Variants in TGFBR2 observed in about 807,000 individuals in gnomAD.
TGFBR2 encodes the protein transforming growth factor beta receptor 2.
In TGFBR2, 18 loss-of-function variants were observed where a neutral mutation model predicts 49.0. The ratio of observed to expected loss-of-function variants is 0.37; its 90% confidence interval spans 0.25 to 0.54. The LOEUF is 0.54. Among genes scored for constraint, TGFBR2 ranks in the 20% least tolerant of loss-of-function variants. The pLI is 0.85. For missense variants in TGFBR2, 525 were observed against 722.6 expected (o/e 0.73, Z 3.13); for synonymous variants, 282 against 275.9 (o/e 1.02, Z -0.22).
intron 5 of TGFBR2, among the ~76,000 whole-genome samples, chr3:30,675,393 CT>C (rs5847637): frequency 2.3e-4 from 34 of 145,176 alleles, no homozygotes; most frequent in Middle Eastern, 3.5e-3. Flanking sequence ...TAACTCCACC[CT>C]TTTTTTTTTT....
chr3:30,685,140 A>T (rs1222193005), intron 5 of TGFBR2, among the ~76,000 whole-genome samples: 1 of 152,062 alleles, frequency 6.6e-6, no homozygotes, highest in Non-Finnish European at 1.5e-5. Context: ...GAGTATAGGG[A>T]TTGTTGTTGA....
chr3:30,667,503 C>G (rs1200855247), intron 3 of TGFBR2, among the ~76,000 whole-genome samples: 2 of 152,168 alleles, frequency 1.3e-5, no homozygotes, highest in Non-Finnish European at 2.9e-5. Flanking sequence ...ATTCCTCCCC[C>G]TCAAATTTTT....
intron 2 of TGFBR2, among the ~76,000 whole-genome samples, chr3:30,649,414 G>A (rs975929899): frequency 5.9e-5 from 9 of 152,100 alleles, no homozygotes; most frequent in African/African-American, 9.7e-5. Flanking sequence ...GTACACTGAC[G>A]GCCAATTGAG....
intron 1 of TGFBR2, among the ~76,000 whole-genome samples, chr3:30,609,697 A>G (rs1697995815): frequency 6.6e-6 from 1 of 152,182 alleles, no homozygotes; most frequent in Admixed American, 6.5e-5. Flanking sequence ...GAGGACAAAG[A>G]ATTTGTAAAA....
intron 3 of TGFBR2, among the ~76,000 whole-genome samples, chr3:30,658,604 G>A (rs1045079227): frequency 6.6e-6 from 1 of 152,202 alleles, no homozygotes; most frequent in Admixed American, 6.5e-5. Context: ...TTAGCATTTA[G>A]TGTGGTGATG....
chr3:30,636,155 ATGTGTG>A (rs61296907), intron 1 of TGFBR2, among the ~76,000 whole-genome samples: 28,488 of 134,518 alleles, frequency 0.21, 2,933 homozygotes, highest in Admixed American at 0.29. Context: ...ATATATATGT[ATGTGTG>A]TGTGTGTGTG....
intron 5 of TGFBR2, among the ~76,000 whole-genome samples, chr3:30,683,616 A>G (rs779600070): frequency 2.0e-5 from 3 of 152,360 alleles, no homozygotes; most frequent in South Asian, 2.1e-4. Context: ...TTCTTTATAC[A>G]TATTTGTTTA....
At chr3:30,607,230 CGTT>C (rs1268470808) in intron 1 of TGFBR2, among the ~76,000 whole-genome samples, 1 of 152,208 alleles carries the variant, frequency 6.6e-6, no homozygotes, top group African/African-American at 2.4e-5. Context: ...GCAGGAAAGG[CGTT>C]GTGTTGGCCG....
At chr3:30,628,932 C>T (rs890306537) in intron 1 of TGFBR2, among the ~76,000 whole-genome samples, 3 of 152,118 alleles carry the variant, frequency 2.0e-5, no homozygotes, top group African/African-American at 4.8e-5. Context: ...TCATTTAATA[C>T]GAGACTCATT....
In TGFBR2 at chr3:30,692,386, T is replaced by C. The variant is rs532320111; in HGVS notation, c.*787T>C. On this transcript the variant is annotated 3_prime_UTR_variant, in exon 7 of 7. Coordinates refer to ENST00000295754, the MANE Select transcript of TGFBR2 (RefSeq NM_003242.6). ...GAAACTCTACCCCATCTTTAATACC[T>C]TGAATGTTTTGAACCCCACTTTTTA... is the stretch of plus-strand genomic sequence containing the variant. The C allele has an allele frequency of 4.3e-6, 1 of 230,914 alleles. No individual in the cohort carries two copies. The highest frequency in any genetic ancestry group is 2.2e-5 in the African/African-American group (1 of 45,300). 14.3% of individuals were successfully genotyped at this position (230,914 alleles called of 1,614,324 possible).
chr3:30,686,959 GT>G (rs1699633202), intron 5 of TGFBR2, among the ~76,000 whole-genome samples: 5 of 152,170 alleles, frequency 3.3e-5, no homozygotes, highest in African/African-American at 1.2e-4. Context: ...TTGACAGCCT[GT>G]TGGCATGGGA....
chr3:30,660,078 A>T (rs1301763390), intron 3 of TGFBR2, among the ~76,000 whole-genome samples: 1 of 152,116 alleles, frequency 6.6e-6, no homozygotes, highest in Non-Finnish European at 1.5e-5. Flanking sequence ...ATTACAAATT[A>T]TGCTTTTTTT....
rs531828316 is a variant in TGFBR2 at position 30,667,839 on chromosome 3, GA to G, written c.455-3791del. Among the ~76,000 whole-genome samples, 12 of 151,798 alleles carry G rather than the reference GA, an allele frequency of 7.9e-5. No individual in the cohort carries two copies. The South Asian group carries it at 1.5e-3, about 18-fold the overall frequency. Reference sequence around the variant, plus strand: ...TTTTCAAATTGTATTTCTCATATGTGAAAAAAAATTGACTACATATTCACAT... The same window carrying G: ...TTTTCAAATTGTATTTCTCATATGTGAAAAAAATTGACTACATATTCACAT... On this transcript the variant is annotated intron_variant, in intron 3 of 6. Transcript: ENST00000295754.
In TGFBR2 at chr3:30,643,899, G is replaced by A. The variant is rs554063811; in HGVS notation, c.95-848G>A. 4.6e-5 allele frequency among the ~76,000 whole-genome samples: 7 copies of A among 152,290 alleles called. No individual in the cohort carries two copies. In the East Asian group the frequency reaches 1.4e-3, roughly 29 times the overall value. ...GACAGGAAGCTAAACAAAGGTAATA[G>A]CAAGTGAAAGGCCTGAGGAGGGAAT... On this transcript the variant is annotated intron_variant, in intron 1 of 6. Coordinates refer to ENST00000295754, the MANE Select transcript of TGFBR2 (RefSeq NM_003242.6).
chr3:30,642,122 T>A (rs1698658431), intron 1 of TGFBR2, among the ~76,000 whole-genome samples: 1 of 152,192 alleles, frequency 6.6e-6, no homozygotes. Flanking sequence ...CCTGTCACTA[T>A]TCTCACGTTT....
chr3:30,611,618 G>T (rs1287539799), intron 1 of TGFBR2, among the ~76,000 whole-genome samples: 1 of 25,312 alleles, frequency 4.0e-5, no homozygotes, highest in African/African-American at 6.5e-5. Flanking sequence ...GTCGGAAAGA[G>T]AATTTTATTA....
Position 30,693,144 on chromosome 3 carries a change from G to A in TGFBR2, c.*1545G>A, listed in dbSNP as rs911308054. 6 of 233,204 alleles carry A rather than the reference G, an allele frequency of 2.6e-5. No homozygotes were observed. Among genetic ancestry groups the A allele is most frequent in the African/African-American group, 1.3e-4 (6 of 45,344 alleles). The allele number at this position is 233,204 out of a possible 1,614,324, so 14.4% of individuals were successfully genotyped here. The stretch of plus-strand genomic sequence containing the variant: ...GGAACTCCTTTAAGGGTCTCAGTTA[G>A]CCCAAGTTTCTTTTGCTTATATGTT... On this transcript the variant is annotated 3_prime_UTR_variant, in exon 7 of 7. Coordinates refer to ENST00000295754, the MANE Select transcript of TGFBR2 (RefSeq NM_003242.6).
intron 3 of TGFBR2, among the ~76,000 whole-genome samples, chr3:30,651,134 A>G (rs1274140576): frequency 6.6e-6 from 1 of 152,190 alleles, no homozygotes; most frequent in Non-Finnish European, 1.5e-5. Flanking sequence ...GGCATACACT[A>G]TTCCCTCAAT....
intron 2 of TGFBR2, among the ~76,000 whole-genome samples, 189 bp downstream of exon 2, chr3:30,645,104 C>T (rs1400968170): frequency 5.3e-5 from 8 of 151,870 alleles, no homozygotes; most frequent in African/African-American, 9.7e-5. Context: ...TGTATGTGTA[C>T]GTTTATGTGG....
Sources: allele counts gnomAD v4.1 joint callset (sites outside exome capture counted in the v4.1 genomes callset), GRCh38; gene constraint gnomAD v4.1.1; transcripts MANE v1.5; gene names NCBI Gene and HGNC (gene_info 2026-07-23, HGNC 2026-07-21).